The following IL16 variants were observed in gnomAD, a reference collection of about 807,000 sequenced individuals.
The protein encoded by IL16 is interleukin 16.
In IL16, 67 loss-of-function variants were observed where a neutral mutation model predicts 110.1. That is an observed-to-expected ratio of 0.61 (90% CI 0.50 to 0.75). The LOEUF (loss-of-function observed/expected upper bound fraction) is 0.75. Among genes scored for constraint, IL16 ranks in the 30% least tolerant of loss-of-function variants. The pLI, the probability that IL16 is intolerant of heterozygous loss-of-function variation, is 0.00. For missense variants in IL16, 1,545 were observed against 1,655.0 expected (o/e 0.93, Z 1.15); for synonymous variants, 689 against 662.9 (o/e 1.04, Z -0.61).
chr15:81,225,043 T>C (rs1055308642), intron 1 of IL16, among the ~76,000 whole-genome samples: 6 of 152,152 alleles, frequency 3.9e-5, no homozygotes, highest in Admixed American at 1.3e-4. Flanking sequence ...TGCACCTCAG[T>C]TCCCTTGTCT....
chr15:81,272,021 C>T (rs1243776670), intron 5 of IL16, among the ~76,000 whole-genome samples: 2 of 152,264 alleles, frequency 1.3e-5, no homozygotes, highest in Non-Finnish European at 1.5e-5. Flanking sequence ...AGCTACTGGC[C>T]ACTGCCTGGC....
At chr15:81,259,285 T>C (rs559357970) in intron 2 of IL16, among the ~76,000 whole-genome samples, 2 of 152,352 alleles carry the variant, frequency 1.3e-5, no homozygotes, top group South Asian at 4.1e-4. Context: ...ACTTGCTCGA[T>C]CTTTCTCTCT....
rs1449111756 is a variant in IL16, at chr15:81,306,428, G to A, written c.3688G>A (p.Ala1230Thr). 1.2e-6 allele frequency: 2 copies of A among 1,614,048 alleles called. No individual in the cohort carries two copies. Among genetic ancestry groups the A allele is most frequent in the East Asian group, 2.2e-5 (1 of 44,882 alleles). The change falls in exon 18 of 19, where the codon GCC becomes ACC. Residue 1230 changes from alanine (A) to threonine (T), a missense_variant. Transcript: ENST00000683961. ...CCTTGTGTTTTTCTCAGCAGCAGAG[G>A]CCACAGTCTGCACGGTGACACTGGA... ...SDVSVESTAEATVCTVTLEKM... is the reference protein window; with the variant it reads ...SDVSVESTAETTVCTVTLEKM...
At chr15:81,194,496 A>C (rs1291119999), upstream of IL16, among the ~76,000 whole-genome samples, 1 of 151,348 alleles carries the variant, frequency 6.6e-6, no homozygotes, top group Non-Finnish European at 1.5e-5. Flanking sequence ...GAATTTTTAA[A>C]ATTAAAATTT....
chr15:81,254,495 T>C (rs1897879047), intron 2 of IL16, among the ~76,000 whole-genome samples: 1 of 152,040 alleles, frequency 6.6e-6, no homozygotes, highest in Non-Finnish European at 1.5e-5. Flanking sequence ...ATTTAAAGAG[T>C]TCTCTGGACA....
At chr15:81,278,980 T>G in intron 7 of IL16, 90 bp downstream of exon 7, 3 of 874,462 alleles carry the variant, frequency 3.4e-6, no homozygotes, top group South Asian at 1.3e-5. Flanking sequence ...AAATTCAAAC[T>G]GTGGAACCCT....
chr15:81,275,461 A>G (rs1044019595), intron 6 of IL16, among the ~76,000 whole-genome samples: 5 of 149,938 alleles, frequency 3.3e-5, no homozygotes, highest in Admixed American at 2.7e-4. Context: ...GAAATGTCAA[A>G]GAGAGGAAAA....
chr15:81,260,009 A>T (rs1898093922), intron 3 of IL16, 129 bp downstream of exon 3: 1 of 631,160 alleles, frequency 1.6e-6, no homozygotes, highest in South Asian at 1.9e-5. Flanking sequence ...GCTCAGCTTC[A>T]TAGTGTGTGC....
rs17875585 is a variant in IL16 at position 81,309,404 on chromosome 15, G to T, written c.*606G>T. ...GGGCCTCCTCACAACATGGTGTCTG[G>T]ATTCCCAGGATGAGCATCCCAGGAT... On this transcript the variant is annotated 3_prime_UTR_variant, in exon 19 of 19. Transcript: ENST00000683961. The T allele has an allele frequency of 0.012, 1,886 of 152,682 alleles. 24 individuals are homozygous for T. Among genetic ancestry groups the T allele is most frequent in the Non-Finnish European group, 0.02 (1,346 of 68,258 alleles). The allele number at this position is 152,682 out of a possible 1,614,324, so 9.5% of individuals were successfully genotyped here.
chr15:81,202,471 C>G, intron 1 of IL16, among the ~76,000 whole-genome samples: 1 of 131,990 alleles, frequency 7.6e-6, no homozygotes, highest in Non-Finnish European at 1.6e-5. Context: ...TGCTATCCCT[C>G]CCCCCTCCCT....
chr15:81,237,529 G>A (rs1897214182), intron 2 of IL16, among the ~76,000 whole-genome samples: 1 of 152,074 alleles, frequency 6.6e-6, no homozygotes, highest in South Asian at 2.1e-4. Flanking sequence ...AAAAAATAAA[G>A]ATGCCCTATA....
intron 1 of IL16, among the ~76,000 whole-genome samples, chr15:81,187,150 T>G (rs948145097): frequency 6.6e-6 from 1 of 152,214 alleles, no homozygotes; most frequent in Non-Finnish European, 1.5e-5. Context: ...GGAACTTGAC[T>G]TCATCATACA....
In IL16 at chr15:81,229,196, T is replaced by G. The variant is rs116119087; in HGVS notation, c.312+3485T>G. ...GATAATGAGGGAGACAGGGACAAAC[T>G]GGATCATTCTTATTTCTGATGTGGC... On this transcript the variant is annotated intron_variant, in intron 2 of 18. Coordinates refer to ENST00000683961, the MANE Select transcript of IL16 (RefSeq NM_172217.5). Among the ~76,000 whole-genome samples, 363 of 152,248 alleles carry G rather than the reference T, an allele frequency of 2.4e-3. 1 individual carries two copies. Among genetic ancestry groups the G allele is most frequent in the African/African-American group, 8.3e-3 (346 of 41,532 alleles).
chr15:81,273,432 C>T (rs574693798), intron 6 of IL16, among the ~76,000 whole-genome samples: 5 of 152,288 alleles, frequency 3.3e-5, no homozygotes, highest in African/African-American at 1.2e-4. Context: ...CCCCTGGCAC[C>T]GTTACCCCTT....
In IL16 at chr15:81,212,141, G is replaced by T. The variant is rs1441654112; in HGVS notation, c.-101-13158G>T. ...CATCTTGTCTAGGGCTTTTTTTTTTGGTTGACAGGTTTCTTATTACTGATT... is the reference window on the plus strand; with the variant it reads ...CATCTTGTCTAGGGCTTTTTTTTTTTGTTGACAGGTTTCTTATTACTGATT... On this transcript the variant is annotated intron_variant, in intron 1 of 18. Transcript: ENST00000683961. 7.4e-5 allele frequency among the ~76,000 whole-genome samples: 11 copies of T among 148,050 alleles called. No individual in the cohort carries two copies. In the East Asian group the frequency reaches 1.2e-3, roughly 16 times the overall value.
At chr15:81,188,142 G>C (rs910512645) in intron 1 of IL16, among the ~76,000 whole-genome samples, 1 of 152,178 alleles carries the variant, frequency 6.6e-6, no homozygotes, top group African/African-American at 2.4e-5. Flanking sequence ...TCCTGCTGCA[G>C]TCCAGACTAG....
chr15:81,244,941 C>A (rs972400768), intron 2 of IL16, among the ~76,000 whole-genome samples: 3 of 152,052 alleles, frequency 2.0e-5, no homozygotes, highest in African/African-American at 7.2e-5. Flanking sequence ...TTTCCTCTGT[C>A]CCCTGAGTTC....
rs149649915 is a variant in IL16, at chr15:81,279,867, G to A, written c.1081+93G>A. 5.7e-4 allele frequency: 618 copies of A among 1,076,072 alleles called. 1 individual carries two copies. In the African/African-American group the frequency reaches 8.2e-3, roughly 14 times the overall value. The allele number at this position is 1,076,072 out of a possible 1,614,324, so 66.7% of individuals were successfully genotyped here. On this transcript the variant is annotated intron_variant, in intron 8 of 18. Coordinates refer to ENST00000683961, the MANE Select transcript of IL16 (RefSeq NM_172217.5). ...TCACTTGGAATCAGTCCAGAGGTAG[G>A]GCAGGATGTTGTCTTTTAGCACATT...
upstream of IL16, among the ~76,000 whole-genome samples, chr15:81,195,517 C>T (rs1249989661): frequency 1.3e-5 from 2 of 152,210 alleles, no homozygotes; most frequent in African/African-American, 4.8e-5. Flanking sequence ...ACAATGTCCC[C>T]TGTGCCTGCT....
Sources: allele counts gnomAD v4.1 joint callset (sites outside exome capture counted in the v4.1 genomes callset), GRCh38; gene constraint gnomAD v4.1.1; transcripts MANE v1.5; gene names NCBI Gene and HGNC (gene_info 2026-07-23, HGNC 2026-07-21).